XYLT1: variants seen among roughly 807,000 people sequenced by gnomAD.
The protein encoded by XYLT1 is beta-D-xylosyltransferase 1.
XYLT1 carries 36 observed loss-of-function variants against 91.3 expected under a neutral mutation model. That is an observed-to-expected ratio of 0.39 (90% CI 0.30 to 0.52). The LOEUF is 0.52. Ranked by LOEUF, XYLT1 falls within the 20% of genes least tolerant of loss-of-function variation. The pLI is 0.68. For synonymous variants in XYLT1, 588 were observed against 532.0 expected, an observed-to-expected ratio of 1.11 and a Z score of -1.45; for missense variants, 1,242 against 1,284.5, an observed-to-expected ratio of 0.97 and a Z score of 0.51.
chr16:17,380,940 T>C (rs1265001259), intron 1 of XYLT1, among the ~76,000 whole-genome samples: 1 of 152,140 alleles, frequency 6.6e-6, no homozygotes, highest in Admixed American at 6.5e-5. Flanking sequence ...TTATAGGAGG[T>C]ACTTAGCGTA....
intron 3 of XYLT1, among the ~76,000 whole-genome samples, chr16:17,242,672 T>C (rs1441382057): frequency 1.3e-5 from 2 of 152,236 alleles, no homozygotes; most frequent in Non-Finnish European, 2.9e-5. Context: ...AAGTGCACAA[T>C]AGTGTTAAGT....
intron 1 of XYLT1, among the ~76,000 whole-genome samples, chr16:17,439,978 C>T (rs2036512086): frequency 1.3e-5 from 2 of 152,226 alleles, no homozygotes; most frequent in South Asian, 4.1e-4. Context: ...TCTAAAAAGA[C>T]TGCAGCGTAT....
At chr16:17,422,228 G>A (rs185841828) in intron 1 of XYLT1, among the ~76,000 whole-genome samples, 237 of 151,936 alleles carry the variant, frequency 1.6e-3, no homozygotes, top group African/African-American at 5.3e-3. Flanking sequence ...GTGGGGTCTC[G>A]CTCTGTCACC....
intron 1 of XYLT1, among the ~76,000 whole-genome samples, chr16:17,422,876 G>A (rs552352176): frequency 6.6e-6 from 1 of 152,100 alleles, no homozygotes; most frequent in Non-Finnish European, 1.5e-5. Context: ...GCAAATAGTT[G>A]TATGATTTGT....
At chr16:17,243,436 AGAGT>A (rs550871363) in intron 3 of XYLT1, among the ~76,000 whole-genome samples, 104 of 152,366 alleles carry the variant, frequency 6.8e-4, no homozygotes, top group African/African-American at 2.2e-3. Context: ...TCATCAGGTT[AGAGT>A]GAGACTGGAG....
chr16:17,372,935 G>A (rs546066213), intron 1 of XYLT1, among the ~76,000 whole-genome samples: 1 of 152,120 alleles, frequency 6.6e-6, no homozygotes, highest in Non-Finnish European at 1.5e-5. Flanking sequence ...TAAAAAGTGT[G>A]GTCTATAAGG....
At chr16:17,255,604 T>C (rs2033618827) in intron 3 of XYLT1, among the ~76,000 whole-genome samples, 2 of 152,238 alleles carry the variant, frequency 1.3e-5, no homozygotes. Context: ...TGCTACACTC[T>C]GTGTGCCAAA....
intron 1 of XYLT1, among the ~76,000 whole-genome samples, chr16:17,380,183 G>A (rs951896998): frequency 1.3e-5 from 2 of 152,224 alleles, no homozygotes; most frequent in Non-Finnish European, 2.9e-5. Context: ...AGCTATTCGG[G>A]AGGCTGAGGC....
intron 2 of XYLT1, among the ~76,000 whole-genome samples, chr16:17,301,835 C>G (rs1170469273): frequency 6.6e-6 from 1 of 152,190 alleles, no homozygotes; most frequent in Non-Finnish European, 1.5e-5. Context: ...CACCTGGTCT[C>G]TCTCTCAGAC....
intron 8 of XYLT1, among the ~76,000 whole-genome samples, chr16:17,136,109 C>T (rs1344711623): frequency 3.9e-5 from 6 of 152,178 alleles, no homozygotes; most frequent in African/African-American, 1.4e-4. Context: ...ACTGACCACA[C>T]ACAATACGCA....
intron 1 of XYLT1, among the ~76,000 whole-genome samples, chr16:17,439,101 T>A (rs866564670): frequency 6.6e-6 from 1 of 152,236 alleles, no homozygotes; most frequent in East Asian, 1.9e-4. Flanking sequence ...AAATTTAAGC[T>A]GTTATCAAAT....
chr16:17,135,641 C>A (rs4782032), intron 8 of XYLT1, among the ~76,000 whole-genome samples: 136,377 of 151,860 alleles, frequency 0.9, 61,859 homozygotes, highest in Middle Eastern at 0.97. Flanking sequence ...ACTCTCAAGG[C>A]AACAGGCCCA....
intron 2 of XYLT1, among the ~76,000 whole-genome samples, chr16:17,293,537 T>C (rs779664961): frequency 1.4e-5 from 2 of 146,924 alleles, no homozygotes; most frequent in African/African-American, 2.5e-5. Flanking sequence ...TCTCCTTCTG[T>C]AGTGCAGCGG....
intron 8 of XYLT1, 49 bp downstream of exon 8, chr16:17,138,306 G>A: frequency 1.3e-6 from 2 of 1,593,490 alleles, no homozygotes; most frequent in Non-Finnish European, 1.7e-6. Flanking sequence ...GCAGAGGTTT[G>A]TTGGGAAGGC....
chr16:17,385,770 C>A (rs1330793102), intron 1 of XYLT1, among the ~76,000 whole-genome samples: 1 of 151,326 alleles, frequency 6.6e-6, no homozygotes, highest in Non-Finnish European at 1.5e-5. Flanking sequence ...AGCAGTGTGA[C>A]CCTGGACAAG....
chr16:17,154,507 G>A (rs1290524516), intron 6 of XYLT1, among the ~76,000 whole-genome samples: 1 of 152,230 alleles, frequency 6.6e-6, no homozygotes, highest in Non-Finnish European at 1.5e-5. Context: ...CCTGAGCCAA[G>A]GCCAGGGACT....
At chr16:17,159,270 T>A (rs575820317) in intron 5 of XYLT1, among the ~76,000 whole-genome samples, 19 of 152,240 alleles carry the variant, frequency 1.2e-4, no homozygotes, top group African/African-American at 4.1e-4. Flanking sequence ...GACCTTTGCA[T>A]TTGCTTGCCT....
In XYLT1 at chr16:17,278,417, G is replaced by A. The variant is rs150867923; in HGVS notation, c.403-18919C>T. 7.6e-3 allele frequency among the ~76,000 whole-genome samples: 1,158 copies of A among 152,306 alleles called. 16 individuals are homozygous for A. The highest frequency in any genetic ancestry group is 0.026 in the African/African-American group (1,101 of 41,562). ...GAGAAGTTCTTCTTCATTGCCGCAG[G>A]TGGGTGGGTCACTACCTCTTCCTTT... On this transcript the variant is annotated intron_variant, in intron 2 of 11. Transcript: ENST00000261381.
At chr16:17,369,981 A>C (rs888598653) in intron 1 of XYLT1, among the ~76,000 whole-genome samples, 2 of 152,200 alleles carry the variant, frequency 1.3e-5, no homozygotes, top group African/African-American at 4.8e-5. Context: ...GGGCAGCCTC[A>C]GAGACAGGAA....
Sources: gnomAD v4.1 joint callset for allele counts (sites outside exome capture counted in the v4.1 genomes callset) on GRCh38, gnomAD v4.1.1 for gene constraint, MANE v1.5 for transcripts, NCBI Gene and HGNC (gene_info 2026-07-23, HGNC 2026-07-21) for gene names.